The following GRID2 variants were observed in gnomAD, a reference collection of about 807,000 sequenced individuals.
GRID2 encodes the protein glutamate receptor ionotropic, delta-2.
GRID2 carries 33 observed loss-of-function variants against 114.8 expected under a neutral mutation model. The ratio of observed to expected loss-of-function variants is 0.29; its 90% CI spans 0.22 to 0.38. The LOEUF is 0.38. Among genes scored for constraint, GRID2 ranks in the 10% least tolerant of loss-of-function variants. The probability of loss-of-function intolerance (pLI) is 1.00; values close to 1 mark genes in which losing one functional copy is unlikely to be tolerated. For missense variants in GRID2, 1,184 were observed against 1,257.7 expected (o/e 0.94, Z 0.89); for synonymous variants, 505 against 449.9 (o/e 1.12, Z -1.55).
At chr4:92,970,240 A>G (rs138112747) in intron 2 of GRID2, among the ~76,000 whole-genome samples, 1 of 151,906 alleles carries the variant, frequency 6.6e-6, no homozygotes, top group Non-Finnish European at 1.5e-5. Context: ...AACACAAATT[A>G]TCGTCATTTC....
chr4:92,743,739 A>G (rs935827081), intron 2 of GRID2, among the ~76,000 whole-genome samples: 1 of 152,134 alleles, frequency 6.6e-6, no homozygotes, highest in African/African-American at 2.4e-5. Flanking sequence ...CTCTTTGATA[A>G]TTATATCTGT....
chr4:93,334,267 A>G (rs892222478), intron 8 of GRID2, among the ~76,000 whole-genome samples: 2 of 152,188 alleles, frequency 1.3e-5, no homozygotes, highest in African/African-American at 2.4e-5. Context: ...CATGCAAATT[A>G]TTAATGCCCT....
intron 2 of GRID2, among the ~76,000 whole-genome samples, chr4:92,889,738 A>G (rs1193691622): frequency 6.6e-6 from 1 of 152,202 alleles, no homozygotes; most frequent in Non-Finnish European, 1.5e-5. Context: ...GCTACCACTG[A>G]CTTTCTTCAC....
intron 4 of GRID2, among the ~76,000 whole-genome samples, chr4:93,196,191 C>A (rs1415838871): frequency 6.6e-6 from 1 of 152,120 alleles, no homozygotes; most frequent in East Asian, 1.9e-4. Flanking sequence ...ACATTTTTTA[C>A]AGTAGGCCAC....
At chr4:93,189,725 A>T (rs1220257933) in intron 4 of GRID2, among the ~76,000 whole-genome samples, 1 of 151,786 alleles carries the variant, frequency 6.6e-6, no homozygotes, top group African/African-American at 2.4e-5. Flanking sequence ...ACTAAGGAAT[A>T]TACAGATAGT....
intron 14 of GRID2, among the ~76,000 whole-genome samples, chr4:93,749,464 C>A (rs150090773): frequency 5.9e-5 from 9 of 152,264 alleles, no homozygotes; most frequent in African/African-American, 1.9e-4. Flanking sequence ...ATAGAGCTGG[C>A]CTGCCACTCA....
intron 13 of GRID2, among the ~76,000 whole-genome samples, chr4:93,602,243 T>C (rs186143343): frequency 2.6e-5 from 4 of 152,352 alleles, no homozygotes; most frequent in African/African-American, 9.6e-5. Flanking sequence ...AGTTTTTCCT[T>C]AACTCTTATG....
chr4:93,379,398 G>A (rs919864190), intron 8 of GRID2, among the ~76,000 whole-genome samples: 1 of 152,052 alleles, frequency 6.6e-6, no homozygotes, highest in African/African-American at 2.4e-5. Context: ...CTGACTGTAT[G>A]TAATCACACC....
chr4:92,499,068 T>G (rs2149121225), intron 1 of GRID2, among the ~76,000 whole-genome samples: 1 of 152,098 alleles, frequency 6.6e-6, no homozygotes, highest in Non-Finnish European at 1.5e-5. Flanking sequence ...GTTGTCTTAC[T>G]TTTATACAGA....
chr4:92,308,774 G>A (rs971507285), intron 1 of GRID2, among the ~76,000 whole-genome samples: 1 of 150,762 alleles, frequency 6.6e-6, no homozygotes, highest in Non-Finnish European at 1.5e-5. Context: ...GATTTGCATT[G>A]GTTAATGATA....
chr4:93,080,845 G>A (rs906169021), intron 2 of GRID2, among the ~76,000 whole-genome samples: 3 of 152,154 alleles, frequency 2.0e-5, no homozygotes, highest in African/African-American at 7.2e-5. Flanking sequence ...TTAAGAGGCT[G>A]GGAAGTCAAG....
chr4:92,801,315 T>G (rs976468027), intron 2 of GRID2, among the ~76,000 whole-genome samples: 14 of 151,970 alleles, frequency 9.2e-5, no homozygotes, highest in Admixed American at 8.5e-4. Flanking sequence ...TTCACAATAT[T>G]ATGCTAAGTT....
chr4:92,378,378 G>A (rs190250044), intron 1 of GRID2, among the ~76,000 whole-genome samples: 120 of 152,148 alleles, frequency 7.9e-4, no homozygotes, highest in Middle Eastern at 3.4e-3. Context: ...AATGAAAATT[G>A]TATTGGTTTA....
At chr4:92,649,633 G>C (rs1333218514) in intron 2 of GRID2, among the ~76,000 whole-genome samples, 1 of 151,772 alleles carries the variant, frequency 6.6e-6, no homozygotes, top group African/African-American at 2.4e-5. Context: ...TCCATCACTG[G>C]GTACCCATAG....
chr4:93,018,059 A>C (rs1385115853), intron 2 of GRID2, among the ~76,000 whole-genome samples: 1 of 151,880 alleles, frequency 6.6e-6, no homozygotes, highest in Non-Finnish European at 1.5e-5. Flanking sequence ...TATGTCCTAC[A>C]GTTTTTCACT....
chr4:92,584,230 A>G (rs1337476170), intron 1 of GRID2, among the ~76,000 whole-genome samples: 1 of 151,954 alleles, frequency 6.6e-6, no homozygotes, highest in African/African-American at 2.4e-5. Flanking sequence ...GCCTTTTATT[A>G]TTTGCCCTCC....
At chr4:92,789,267 C>CT (rs1739460609) in intron 2 of GRID2, among the ~76,000 whole-genome samples, 1 of 151,944 alleles carries the variant, frequency 6.6e-6, no homozygotes, top group Admixed American at 6.6e-5. Flanking sequence ...TGTAGCTGCA[C>CT]TATAATGTGG....
At chr4:93,000,029 A>G (rs1755441767) in intron 2 of GRID2, among the ~76,000 whole-genome samples, 1 of 151,724 alleles carries the variant, frequency 6.6e-6, no homozygotes, top group African/African-American at 2.4e-5. Context: ...TGAGAATTTC[A>G]GTTAAATGTA....
intron 8 of GRID2, among the ~76,000 whole-genome samples, chr4:93,247,194 G>A (rs1171903509): frequency 2.0e-5 from 3 of 152,158 alleles, no homozygotes; most frequent in Admixed American, 2.0e-4. Flanking sequence ...GACTTTTCTA[G>A]AAGGACTATA....
Sources: gnomAD v4.1 joint callset for allele counts (sites outside exome capture counted in the v4.1 genomes callset) on GRCh38, gnomAD v4.1.1 for gene constraint, MANE v1.5 for transcripts, NCBI Gene and HGNC (gene_info 2026-07-23, HGNC 2026-07-21) for gene names.